SLC39A11: variants seen among roughly 807,000 people sequenced by gnomAD.
SLC39A11 encodes the protein zinc transporter ZIP11.
Under a neutral mutation model 36.1 loss-of-function variants are expected in SLC39A11, and 33 were observed. The ratio of observed to expected loss-of-function variants is 0.91; its 90% CI spans 0.69 to 1.22. The LOEUF (loss-of-function observed/expected upper bound fraction) is 1.22, where lower values mean the gene tolerates loss of function less well. Ranked by LOEUF, SLC39A11 falls within the 50% of genes most tolerant of loss-of-function variation. The probability of loss-of-function intolerance (pLI) is 0.00; values close to 1 mark genes in which losing one functional copy is unlikely to be tolerated. For missense variants in SLC39A11, 432 were observed against 430.3 expected (o/e 1.00, Z -0.03); for synonymous variants, 166 against 170.3 (o/e 0.97, Z 0.20).
At chr17:72,923,136 A>T (rs2083796753) in intron 5 of SLC39A11, among the ~76,000 whole-genome samples, 1 of 152,054 alleles carries the variant, frequency 6.6e-6, no homozygotes, top group Non-Finnish European at 1.5e-5. Flanking sequence ...AGATTGTAAT[A>T]GCTGTTTACA....
At chr17:72,799,061 GTGTC>G (rs1331797280) in intron 6 of SLC39A11, among the ~76,000 whole-genome samples, 4 of 152,290 alleles carry the variant, frequency 2.6e-5, no homozygotes, top group Admixed American at 2.0e-4. Context: ...GTGAGTGTGT[GTGTC>G]TGTGAGTGTG....
At chr17:73,074,459 G>T (rs142210766) in intron 3 of SLC39A11, among the ~76,000 whole-genome samples, 1 of 151,886 alleles carries the variant, frequency 6.6e-6, no homozygotes, top group Admixed American at 6.6e-5. Context: ...CACCACGCCC[G>T]GCTAATTTTT....
chr17:72,847,593 T>C (rs974760792), intron 6 of SLC39A11, among the ~76,000 whole-genome samples: 6 of 152,190 alleles, frequency 3.9e-5, no homozygotes, highest in Non-Finnish European at 7.3e-5. Context: ...GTGCTTCTTA[T>C]CTAGAGAAAT....
chr17:72,871,165 G>C (rs1954443828), intron 5 of SLC39A11, among the ~76,000 whole-genome samples: 1 of 150,666 alleles, frequency 6.6e-6, no homozygotes, highest in South Asian at 2.1e-4. Context: ...AAGTTCAAGT[G>C]ATTCTCCTGC....
At chr17:72,957,074 G>T (rs1294224879) in intron 4 of SLC39A11, among the ~76,000 whole-genome samples, 1 of 152,082 alleles carries the variant, frequency 6.6e-6, no homozygotes, top group African/African-American at 2.4e-5. Context: ...CTTCTTGGTG[G>T]GGCCTGTCAT....
chr17:72,701,218 C>T (rs1277370588), intron 7 of SLC39A11, among the ~76,000 whole-genome samples: 1 of 152,204 alleles, frequency 6.6e-6, no homozygotes, highest in African/African-American at 2.4e-5. Context: ...AGGTTAAAGA[C>T]CTGGAATTTC....
At chr17:72,683,526 G>C (rs2071602087) in intron 7 of SLC39A11, among the ~76,000 whole-genome samples, 2 of 151,710 alleles carry the variant, frequency 1.3e-5, no homozygotes, top group Non-Finnish European at 2.9e-5. Flanking sequence ...TGTAGAGCCA[G>C]GGGTCTCACT....
At chr17:72,873,562 T>G in intron 5 of SLC39A11, among the ~76,000 whole-genome samples, 1 of 152,180 alleles carries the variant, frequency 6.6e-6, no homozygotes, top group East Asian at 1.9e-4. Context: ...GAAAGCAGGT[T>G]TGCAGAATGA....
intron 6 of SLC39A11, among the ~76,000 whole-genome samples, chr17:72,762,179 A>T (rs1273752018): frequency 1.3e-5 from 2 of 152,234 alleles, no homozygotes; most frequent in Non-Finnish European, 2.9e-5. Context: ...AGGTTAAGGC[A>T]TTCTAAGTCA....
intron 6 of SLC39A11, among the ~76,000 whole-genome samples, chr17:72,744,280 A>C (rs1046998901): frequency 1.3e-5 from 2 of 152,166 alleles, no homozygotes; most frequent in Non-Finnish European, 2.9e-5. Flanking sequence ...GTCGGGGACT[A>C]TCCTGGCCAC....
intron 7 of SLC39A11, among the ~76,000 whole-genome samples, chr17:72,683,279 T>G (rs1258778182): frequency 2.0e-5 from 3 of 151,366 alleles, no homozygotes; most frequent in African/African-American, 7.3e-5. Flanking sequence ...AAGGAAGAAA[T>G]AGATCCAATG....
chr17:72,695,046 G>C (rs1038976179), intron 7 of SLC39A11, among the ~76,000 whole-genome samples: 1 of 152,176 alleles, frequency 6.6e-6, no homozygotes, highest in African/African-American at 2.4e-5. Context: ...TCTTTCTGCT[G>C]GTATGCAGTT....
chr17:72,891,730 A>T (rs1415319931), intron 5 of SLC39A11, among the ~76,000 whole-genome samples: 1 of 152,040 alleles, frequency 6.6e-6, no homozygotes, highest in African/African-American at 2.4e-5. Flanking sequence ...ACACAGATAC[A>T]TACATATAAG....
At chr17:73,080,979 T>G (rs2060490215) in intron 3 of SLC39A11, among the ~76,000 whole-genome samples, 1 of 150,400 alleles carries the variant, frequency 6.6e-6, no homozygotes, top group Non-Finnish European at 1.5e-5. Flanking sequence ...AATAAATAAA[T>G]AAATAAATAA....
rs56021607 is a variant in SLC39A11 at position 73,062,475 on chromosome 17, A to AAAAAAAAAAAAACAAC, written c.147+22332_147+22333insGTTGTTTTTTTTTTTT. 2.3e-5 allele frequency among the ~76,000 whole-genome samples: 2 copies of AAAAAAAAAAAAACAAC among 87,034 alleles called. 1 individual carries two copies. The highest frequency in any genetic ancestry group is 8.0e-4 in the East Asian group (2 of 2,492). 57.1% of individuals were successfully genotyped at this position (87,034 alleles called of 152,430 possible). ...AGAGCTTGTCTCAAAAAAAAAAAAA[A>AAAAAAAAAAAAACAAC]AAACTTTAGGTGATACACTTCTGCT... is the stretch of plus-strand genomic sequence containing the variant. On this transcript the variant is annotated intron_variant, in intron 3 of 9. Transcript: ENST00000255559.
intron 5 of SLC39A11, among the ~76,000 whole-genome samples, chr17:72,866,870 C>T (rs566149861): frequency 6.6e-6 from 1 of 152,238 alleles, no homozygotes; most frequent in African/African-American, 2.4e-5. Context: ...CTAACTAAAG[C>T]CCCTCACAGA....
At position 72,876,043 on chromosome 17, in the gene SLC39A11, T is replaced by C. The variant is rs901405584; in HGVS notation, c.431-26239A>G. Reference sequence around the variant, plus strand: ...TGTAATTAAAAGTAGGTTATAAATATAACTGCAAAACTGCCCTGAGCTGCT... The same window carrying C: ...TGTAATTAAAAGTAGGTTATAAATACAACTGCAAAACTGCCCTGAGCTGCT... On this transcript the variant is annotated intron_variant, in intron 5 of 9. Coordinates refer to ENST00000255559, the MANE Select transcript of SLC39A11 (RefSeq NM_139177.4). Among the ~76,000 whole-genome samples, 20 of 152,202 alleles carry C rather than the reference T, an allele frequency of 1.3e-4. 1 individual carries two copies. Among genetic ancestry groups the C allele is most frequent in the Admixed American group, 9.8e-4 (15 of 15,280 alleles).
chr17:72,959,325 G>A (rs2466534), intron 4 of SLC39A11, among the ~76,000 whole-genome samples: 19,867 of 62,604 alleles, frequency 0.32, 3,589 homozygotes, highest in Non-Finnish European at 0.39. Flanking sequence ...GTGTGTGTGT[G>A]TATATATATA....
chr17:72,889,786 G>A lies in SLC39A11; in HGVS notation c.431-39982C>T, dbSNP rs916071078. Among the ~76,000 whole-genome samples the A allele has an allele frequency of 3.1e-4, 47 of 152,136 alleles. 1 individual carries two copies. Among genetic ancestry groups the A allele is most frequent in the Admixed American group, 2.6e-3 (40 of 15,270 alleles). On this transcript the variant is annotated intron_variant, in intron 5 of 9. Coordinates refer to ENST00000255559, the MANE Select transcript of SLC39A11 (RefSeq NM_139177.4). ...CTGAGCCACAAAGACTCACTTGCAC[G>A]GCAATAGTTTTTTCATTGTTTGTAT... is the stretch of plus-strand genomic sequence containing the variant.
Sources: allele counts gnomAD v4.1 joint callset (sites outside exome capture counted in the v4.1 genomes callset), GRCh38; gene constraint gnomAD v4.1.1; transcripts MANE v1.5; gene names NCBI Gene and HGNC (gene_info 2026-07-23, HGNC 2026-07-21).